The following HPCAL1 variants were observed in gnomAD, a reference collection of about 807,000 sequenced individuals.
HPCAL1 encodes the protein hippocalcin-like protein 1.
In HPCAL1, 8 loss-of-function variants were observed where a neutral mutation model predicts 17.1. That is an observed-to-expected ratio of 0.47 (90% CI 0.27 to 0.84). The LOEUF (loss-of-function observed/expected upper bound fraction) is 0.84, where lower values mean the gene tolerates loss of function less well. Among genes scored for constraint, HPCAL1 ranks in the 40% least tolerant of loss-of-function variants. HPCAL1 has a pLI of 0.13. For missense variants in HPCAL1, 165 were observed against 271.1 expected, an observed-to-expected ratio of 0.61 and a Z score of 2.75; for synonymous variants, 112 against 111.4, an observed-to-expected ratio of 1.01 and a Z score of -0.03.
chr2:10,426,600 C>A, intron 4 of HPCAL1, 124 bp from the exon 5 acceptor site: 1 of 776,086 alleles, frequency 1.3e-6, no homozygotes, highest in South Asian at 1.5e-5. Context: ...CACCGTCCAG[C>A]TTCAAGAAGG....
chr2:10,399,496 T>TCACCAC (rs1572818922), intron 2 of HPCAL1, among the ~76,000 whole-genome samples: 1 of 48,108 alleles, frequency 2.1e-5, no homozygotes, highest in Non-Finnish European at 4.5e-5. Context: ...ACCGCCACCA[T>TCACCAC]CACCATCACC....
In HPCAL1 at chr2:10,384,432, C is replaced by T. The variant is rs904832027; in HGVS notation, c.-110-12403C>T. On this transcript the variant is annotated intron_variant, in intron 1 of 4. Transcript: ENST00000307845. The surrounding 1 kb of genome is among the most constrained non-coding windows in gnomAD (Gnocchi z 4.4). ...AGCCCAGGTTACCATCTGTGGTGTCCCCTCGCTCACACTCACTACTGCCCT... is the reference window on the plus strand; with the variant it reads ...AGCCCAGGTTACCATCTGTGGTGTCTCCTCGCTCACACTCACTACTGCCCT... 3.1e-4 allele frequency among the ~76,000 whole-genome samples: 47 copies of T among 152,208 alleles called. No individual in the cohort carries two copies. Among genetic ancestry groups the T allele is most frequent in the African/African-American group, 1.1e-3 (46 of 41,460 alleles).
rs1665487276 is a variant in HPCAL1, at chr2:10,346,793, T to C, written c.-111+43616T>C. ...ACTTCTCTCCCCTTCCTCCCCTTCC[T>C]TCTCCATGTCTTTGTGCTCCTCCAC... On this transcript the variant is annotated intron_variant, in intron 1 of 4. Coordinates refer to ENST00000307845, the MANE Select transcript of HPCAL1 (RefSeq NM_002149.4). 2.0e-5 allele frequency among the ~76,000 whole-genome samples: 3 copies of C among 152,072 alleles called. No individual in the cohort carries two copies. The South Asian group carries it at 6.2e-4, about 32-fold the overall frequency.
intron 1 of HPCAL1, among the ~76,000 whole-genome samples, chr2:10,355,604 G>A (rs1470147216): frequency 6.6e-6 from 1 of 152,042 alleles, no homozygotes; most frequent in Admixed American, 6.6e-5. Context: ...TCGTTTTCCT[G>A]GAGACACTGT....
chr2:10,351,862 C>T (rs1024059979), intron 1 of HPCAL1, among the ~76,000 whole-genome samples: 2 of 151,874 alleles, frequency 1.3e-5, no homozygotes, highest in Non-Finnish European at 2.9e-5. Context: ...GATGGTTGCA[C>T]AGTTGTGTCA....
intron 1 of HPCAL1, among the ~76,000 whole-genome samples, chr2:10,306,506 C>G (rs1662629048): frequency 6.6e-6 from 1 of 152,162 alleles, no homozygotes; most frequent in Non-Finnish European, 1.5e-5. Flanking sequence ...TTGTGCTTTT[C>G]CCCTTAGATT....
chr2:10,329,718 C>A (rs1664237949), intron 1 of HPCAL1, among the ~76,000 whole-genome samples: 1 of 152,258 alleles, frequency 6.6e-6, no homozygotes, highest in African/African-American at 2.4e-5. Flanking sequence ...CCTTCCCCTG[C>A]TTCTGACCCG....
At chr2:10,390,687 G>A (rs1668631826) in intron 1 of HPCAL1, among the ~76,000 whole-genome samples, 1 of 152,154 alleles carries the variant, frequency 6.6e-6, no homozygotes, top group Admixed American at 6.6e-5. Context: ...TGGGCAAGAG[G>A]TTGGATACTG....
intron 1 of HPCAL1, among the ~76,000 whole-genome samples, chr2:10,328,371 C>A (rs12105400): frequency 6.6e-6 from 1 of 152,100 alleles, no homozygotes; most frequent in Non-Finnish European, 1.5e-5. Context: ...TAATATCATG[C>A]GTCAGCCTGA....
intron 3 of HPCAL1, among the ~76,000 whole-genome samples, chr2:10,420,776 T>C (rs970680990): frequency 3.3e-5 from 5 of 152,140 alleles, no homozygotes; most frequent in Non-Finnish European, 4.4e-5. Context: ...TTATATATAT[T>C]TGGAGATGGA....
At chr2:10,420,663 A>G (rs1044925955) in intron 3 of HPCAL1, among the ~76,000 whole-genome samples, 3 of 152,188 alleles carry the variant, frequency 2.0e-5, no homozygotes, top group Admixed American at 1.3e-4. Flanking sequence ...GGCCGGGTGG[A>G]GCACTTTGAT....
intron 2 of HPCAL1, among the ~76,000 whole-genome samples, chr2:10,402,888 A>T (rs943632723): frequency 6.6e-6 from 1 of 152,186 alleles, no homozygotes. Context: ...GCAAAACCCC[A>T]GGGAGGACGC....
intron 1 of HPCAL1, among the ~76,000 whole-genome samples, chr2:10,376,597 G>A (rs1346742903): frequency 2.0e-5 from 3 of 151,942 alleles, no homozygotes; most frequent in Non-Finnish European, 2.9e-5. Flanking sequence ...CACCACACCT[G>A]GTTAATTTTT....
rs530385551 is a variant in HPCAL1 at position 10,390,272 on chromosome 2, G to A, written c.-110-6563G>A. Reference sequence around the variant, plus strand: ...GCTCTGTGTCTGGTCTCAGACCACAGCCCACCCTGGTGGTCTCCTCAGGAC... The same window carrying A: ...GCTCTGTGTCTGGTCTCAGACCACAACCCACCCTGGTGGTCTCCTCAGGAC... On this transcript the variant is annotated intron_variant, in intron 1 of 4. Transcript: ENST00000307845. Among the ~76,000 whole-genome samples, 7 of 152,302 alleles carry A rather than the reference G, an allele frequency of 4.6e-5. No homozygotes were observed. The East Asian group carries it at 1.4e-3, about 29-fold the overall frequency.
At position 10,359,910 on chromosome 2, in the gene HPCAL1, ACAGCGCCCGCCG is replaced by A. The variant is rs1558485195; in HGVS notation, c.-110-36924_-110-36913del. 5.5e-3 allele frequency among the ~76,000 whole-genome samples: 823 copies of A among 149,520 alleles called. 6 individuals are homozygous for A. Among genetic ancestry groups the A allele is most frequent in the Middle Eastern group, 0.028 (8 of 284 alleles). On this transcript the variant is annotated intron_variant, in intron 1 of 4. Transcript: ENST00000307845. The surrounding 1 kb of genome is among the most constrained non-coding windows in gnomAD (Gnocchi z 4.1). Reference sequence around the variant, plus strand: ...TCCTTCCACAGTGCCCGCCGGGTCCACAGCGCCCGCCGGGTCCACAGCGCCCGCCGGGTCCAC... The same window carrying A: ...TCCTTCCACAGTGCCCGCCGGGTCCAGGTCCACAGCGCCCGCCGGGTCCAC...
Position 10,315,466 on chromosome 2 carries a change from C to T in HPCAL1, c.-111+12289C>T, listed in dbSNP as rs111890924. ...GTTTTGCCACATTCTAAATTTTCAC[C>T]AGTGGGCATTTATTATTTTTGCAAT... On this transcript the variant is annotated intron_variant, in intron 1 of 4. Transcript: ENST00000307845. 1.4e-3 allele frequency among the ~76,000 whole-genome samples: 216 copies of T among 152,200 alleles called. 2 individuals are homozygous for T. Among genetic ancestry groups the T allele is most frequent in the African/African-American group, 4.8e-3 (200 of 41,514 alleles).
At chr2:10,392,019 A>G (rs1349852179) in intron 1 of HPCAL1, among the ~76,000 whole-genome samples, 1 of 151,968 alleles carries the variant, frequency 6.6e-6, no homozygotes, top group Non-Finnish European at 1.5e-5. Flanking sequence ...AATTGCTGGG[A>G]TTACAGGCAT....
At chr2:10,347,266 C>T (rs1025514641) in intron 1 of HPCAL1, among the ~76,000 whole-genome samples, 3 of 152,078 alleles carry the variant, frequency 2.0e-5, no homozygotes, top group Admixed American at 6.5e-5. Flanking sequence ...AGCCCCCGGC[C>T]CACCCTTTTC....
At position 10,342,041 on chromosome 2, in the gene HPCAL1, G is replaced by T. The variant is rs1281637327; in HGVS notation, c.-111+38864G>T. ...AATTAGCCAGATGTGGTGGTGGTGT[G>T]CTCCTGTAGTCCCAGCTACTTGGGA... On this transcript the variant is annotated intron_variant, in intron 1 of 4. Coordinates refer to ENST00000307845, the MANE Select transcript of HPCAL1 (RefSeq NM_002149.4). This position sits in a 1 kb window ranked among gnomAD's most constrained non-coding sequence, Gnocchi z 4.1. Among the ~76,000 whole-genome samples, 1 of 150,832 alleles carries T rather than the reference G, an allele frequency of 6.6e-6. No homozygotes were observed. The highest frequency in any genetic ancestry group is 2.4e-5 in the African/African-American group (1 of 40,968).
Sources: allele counts gnomAD v4.1 joint callset (sites outside exome capture counted in the v4.1 genomes callset), GRCh38; gene constraint gnomAD v4.1.1; non-coding constraint Gnocchi (gnomAD v3.1); transcripts MANE v1.5; gene names NCBI Gene and HGNC (gene_info 2026-07-23, HGNC 2026-07-21).